WWOX: variants seen among roughly 807,000 people sequenced by gnomAD.
The protein encoded by WWOX is WW domain containing oxidoreductase.
In WWOX, 69 loss-of-function variants were observed where a neutral mutation model predicts 46.2. That is an observed-to-expected ratio of 1.49 (90% CI 1.23 to 1.82). WWOX has a LOEUF of 1.82. Among genes scored for constraint, WWOX ranks in the 40% most tolerant of loss-of-function variants. The probability of loss-of-function intolerance (pLI) is 0.00; values close to 1 mark genes in which losing one functional copy is unlikely to be tolerated. For missense variants in WWOX, 919 were observed against 542.6 expected, an observed-to-expected ratio of 1.69 and a Z score of -6.89; for synonymous variants, 359 against 202.6, an observed-to-expected ratio of 1.77 and a Z score of -6.56.
intron 4 of WWOX, chr16:78,118,907 C>A (rs2032951423): frequency 6.6e-6 from 1 of 152,090 alleles, no homozygotes; most frequent in Admixed American, 6.6e-5. Context: ...TAGAATGTTG[C>A]CTCCTCAGAA....
At position 79,146,565 on chromosome 16, in the gene WWOX, C is replaced by T. The variant is rs78919197; in HGVS notation, c.1057-65043C>T. 6.6e-5 allele frequency among the ~76,000 whole-genome samples: 10 copies of T among 152,200 alleles called. No homozygotes were observed. In the East Asian group the frequency reaches 1.9e-3, roughly 29 times the overall value. ...CCTATCTGAAGCTTCATTTCCTCTC[C>T]CACACAGGATAAAATAAGGATAATA... On this transcript the variant is annotated intron_variant, in intron 8 of 8. Transcript: ENST00000566780.
chr16:78,790,052 C>T (rs1427061821), intron 8 of WWOX, among the ~76,000 whole-genome samples: 1 of 152,172 alleles, frequency 6.6e-6, no homozygotes, highest in Non-Finnish European at 1.5e-5. Flanking sequence ...TCATGTAAGG[C>T]TCTTAGTATA....
chr16:78,893,337 C>G (rs972288678), intron 8 of WWOX, among the ~76,000 whole-genome samples: 16 of 152,114 alleles, frequency 1.1e-4, no homozygotes, highest in African/African-American at 3.6e-4. Context: ...TTCGCCTGTC[C>G]CCTCTCACAT....
intron 8 of WWOX, among the ~76,000 whole-genome samples, chr16:79,099,939 G>A (rs926383312): frequency 6.6e-6 from 1 of 152,148 alleles, no homozygotes; most frequent in African/African-American, 2.4e-5. Flanking sequence ...GTGGGCAGTC[G>A]AGAGAGGCAG....
At chr16:78,751,278 T>C (rs2049469268) in intron 8 of WWOX, among the ~76,000 whole-genome samples, 1 of 151,666 alleles carries the variant, frequency 6.6e-6, no homozygotes, top group Non-Finnish European at 1.5e-5. Context: ...ACTTTATGAA[T>C]TATTTCTGAC....
At chr16:78,406,004 G>C (rs1371666042) in intron 6 of WWOX, among the ~76,000 whole-genome samples, 1 of 151,938 alleles carries the variant, frequency 6.6e-6, no homozygotes, top group African/African-American at 2.4e-5. Flanking sequence ...TTTAACTGGG[G>C]ATCATGTTTC....
chr16:79,110,816 A>ACATACT, intron 8 of WWOX: 1 of 152,344 alleles, frequency 6.6e-6, no homozygotes. Context: ...GCCTTTTATC[A>ACATACT]GCTGGGTGTT....
chr16:79,087,488 A>G (rs1401978615), intron 8 of WWOX, among the ~76,000 whole-genome samples: 1 of 152,200 alleles, frequency 6.6e-6, no homozygotes, highest in East Asian at 1.9e-4. Context: ...TAACTTGTCT[A>G]AGAATCCTCA....
chr16:78,403,815 A>T (rs901763909), intron 6 of WWOX, among the ~76,000 whole-genome samples: 1 of 152,098 alleles, frequency 6.6e-6, no homozygotes, highest in Admixed American at 6.5e-5. Flanking sequence ...CTAGCCCTTC[A>T]CTCAAGTTTC....
intron 8 of WWOX, among the ~76,000 whole-genome samples, chr16:79,013,571 C>T (rs11645605): frequency 0.2 from 30,116 of 152,094 alleles, 3,447 homozygotes; most frequent in Admixed American, 0.31. Flanking sequence ...AGACACTGCT[C>T]AGTGTACTGT....
chr16:78,935,203 T>G (rs2045710255), intron 8 of WWOX, among the ~76,000 whole-genome samples: 1 of 152,148 alleles, frequency 6.6e-6, no homozygotes, highest in Non-Finnish European at 1.5e-5. Context: ...TGGCGATTCC[T>G]CAAGGATCTA....
chr16:78,718,543 G>A (rs1404639258), intron 8 of WWOX, among the ~76,000 whole-genome samples: 1 of 151,932 alleles, frequency 6.6e-6, no homozygotes, highest in Non-Finnish European at 1.5e-5. Flanking sequence ...TTATCTTTTA[G>A]AAAATTAATA....
chr16:78,641,292 A>C (rs770896385), intron 8 of WWOX, among the ~76,000 whole-genome samples: 4 of 152,124 alleles, frequency 2.6e-5, no homozygotes, highest in Non-Finnish European at 5.9e-5. Flanking sequence ...CCACAATCAA[A>C]TGCAAATATG....
At chr16:78,122,033 A>G (rs1260453142) in intron 4 of WWOX, among the ~76,000 whole-genome samples, 1 of 152,160 alleles carries the variant, frequency 6.6e-6, no homozygotes, top group Non-Finnish European at 1.5e-5. Flanking sequence ...TGAGAGAGAG[A>G]GAGTGTGAGA....
At chr16:78,152,510 C>G (rs1014185285) in intron 4 of WWOX, among the ~76,000 whole-genome samples, 1 of 152,156 alleles carries the variant, frequency 6.6e-6, no homozygotes, top group Non-Finnish European at 1.5e-5. Flanking sequence ...TCCCCCATCC[C>G]TCATTAATCT....
At chr16:78,607,402 G>A (rs1306974501) in intron 8 of WWOX, among the ~76,000 whole-genome samples, 1 of 152,118 alleles carries the variant, frequency 6.6e-6, no homozygotes, top group Non-Finnish European at 1.5e-5. Flanking sequence ...TTGGAAAGTT[G>A]TCAGCTTATC....
chr16:78,134,260 G>A lies in WWOX; in HGVS notation c.409+19106G>A, dbSNP rs560708722. Among the ~76,000 whole-genome samples, 4 of 152,280 alleles carry A rather than the reference G, an allele frequency of 2.6e-5. No individual in the cohort carries two copies. The South Asian group carries it at 8.3e-4, about 32-fold the overall frequency. ...TTATTGATAGCATTTCTGGATGGCT[G>A]TCAGAAGTCTTTCTTTAGAAATTTA... On this transcript the variant is annotated intron_variant, in intron 4 of 8. Transcript: ENST00000566780.
At chr16:78,123,520 C>T (rs1281276676) in intron 4 of WWOX, 3 of 128,470 alleles carry the variant, frequency 2.3e-5, no homozygotes, top group Admixed American at 1.9e-4. Flanking sequence ...TGCAGTGGCG[C>T]ATTCTTGGCT....
At chr16:78,321,658 C>T (rs1019050467) in intron 5 of WWOX, among the ~76,000 whole-genome samples, 6 of 152,122 alleles carry the variant, frequency 3.9e-5, no homozygotes, top group East Asian at 3.9e-4. Flanking sequence ...TTGAGTGGTA[C>T]ACCAGAGTGC....
Sources: allele counts gnomAD v4.1 joint callset (sites outside exome capture counted in the v4.1 genomes callset), GRCh38; gene constraint gnomAD v4.1.1; transcripts MANE v1.5; gene names NCBI Gene and HGNC (gene_info 2026-07-23, HGNC 2026-07-21).